The following AADAT variants were observed in gnomAD, a reference collection of about 807,000 sequenced individuals.
AADAT encodes the protein aminoadipate aminotransferase.
Under a neutral mutation model 56.2 loss-of-function variants are expected in AADAT, and 25 were observed. The observed-to-expected ratio is 0.44, with a 90% CI of 0.32 to 0.62. The LOEUF (loss-of-function observed/expected upper bound fraction) is 0.62, where lower values mean the gene tolerates loss of function less well. Among genes scored for constraint, AADAT ranks in the 20% least tolerant of loss-of-function variants. The pLI, the probability that AADAT is intolerant of heterozygous loss-of-function variation, is 0.04. For missense variants in AADAT, 387 were observed against 510.5 expected (o/e 0.76, Z 2.33); for synonymous variants, 173 against 164.7 (o/e 1.05, Z -0.39).
intron 10 of AADAT, among the ~76,000 whole-genome samples, chr4:170,065,286 T>C (rs1386359207): frequency 6.6e-6 from 1 of 152,216 alleles, no homozygotes; most frequent in Non-Finnish European, 1.5e-5. Context: ...CAGAATGTAA[T>C]TAATTATGAA....
At chr4:170,091,521 C>G (rs564051163), upstream of AADAT, 1 of 154,136 alleles carries the variant, frequency 6.5e-6, no homozygotes, top group Admixed American at 6.5e-5. Flanking sequence ...ACCACCCACC[C>G]GTGGGCTCCT....
chr4:170,070,685 A>C lies in AADAT; in HGVS notation c.655-33T>G, dbSNP rs756222947. On this transcript the variant is annotated intron_variant, in intron 5 of 12. Transcript: ENST00000337664. Reference sequence around the variant, plus strand: ...AGGTTGAAGTAATTGTTTATTTCTTAATCTATTTATTTCTTAAAAGTTATC... The same window carrying C: ...AGGTTGAAGTAATTGTTTATTTCTTCATCTATTTATTTCTTAAAAGTTATC... 3.6e-6 allele frequency: 5 copies of C among 1,389,928 alleles called. No homozygotes were observed. In the African/African-American group the frequency reaches 4.3e-5, roughly 12 times the overall value. The allele number at this position is 1,389,928 out of a possible 1,614,324, so 86.1% of individuals were successfully genotyped here. A position where few individuals can be genotyped will look rare whatever the true frequency, so the allele number is the denominator to read the frequency against.
rs1172823661 is a variant in AADAT, at chr4:170,069,206, T to C, written c.745A>G (p.Met249Val). 2 of 1,613,802 alleles carry C rather than the reference T, an allele frequency of 1.2e-6. No individual in the cohort carries two copies. Among genetic ancestry groups the C allele is most frequent in the Non-Finnish European group, 1.7e-6 (2 of 1,179,904 alleles). ...NKFRVPTFLS[M>V]DVDGRVIRAD... ...CTGATGACACGTCCATCAACATCCA[T>C]GGAAAGAAATGTTGGTACCCTGAAC... The change falls in exon 7 of 13, where the codon ATG becomes GTG. Residue 249 changes from methionine to valine, a missense_variant. Transcript: ENST00000337664.
Position 170,068,680 on chromosome 4 carries a change from T to C in AADAT, c.811A>G (p.Ile271Val). The change falls in exon 8 of 13, where the codon ATA (isoleucine) becomes GTA (valine). Residue 271 changes from isoleucine (I) to valine (V), a missense_variant. Transcript: ENST00000337664. ...FSKIISSGLRIGFLTGPKPLI... is the reference protein window; with the variant it reads ...FSKIISSGLRVGFLTGPKPLI... ...GGTTTTGGACCAGTTAAAAATCCTA[T>C]TCTCAACCTACGTGGAAAGAGAAAA... is the stretch of plus-strand genomic sequence containing the variant. The C allele has an allele frequency of 6.3e-7, 1 of 1,591,342 alleles. No homozygotes were observed. Among genetic ancestry groups the C allele is most frequent in the Non-Finnish European group, 8.5e-7 (1 of 1,173,412 alleles).
intron 4 of AADAT, among the ~76,000 whole-genome samples, chr4:170,073,712 G>T (rs1282559830): frequency 6.6e-6 from 1 of 152,060 alleles, no homozygotes; most frequent in Admixed American, 6.5e-5. Flanking sequence ...TGTTAGCCAG[G>T]ATGGTCTGGA....
At chr4:170,073,424 C>G (rs1731871130) in intron 4 of AADAT, 79 bp from the exon 5 acceptor site, 2 of 1,282,340 alleles carry the variant, frequency 1.6e-6, no homozygotes, top group Admixed American at 5.3e-5. Context: ...TTCTTTCTAA[C>G]TAAGAACTTG....
chr4:170,068,442 C>A, intron 8 of AADAT, 149 bp downstream of exon 8: 1 of 536,976 alleles, frequency 1.9e-6, no homozygotes. Flanking sequence ...CATTCCAACC[C>A]ATTTCTTTAG....
intron 8 of AADAT, 130 bp downstream of exon 8, chr4:170,068,461 G>A: frequency 1.7e-6 from 1 of 591,076 alleles, no homozygotes; most frequent in Non-Finnish European, 2.9e-6. Flanking sequence ...AGAAAGATTA[G>A]CATGTCTGCA....
At chr4:170,065,345 G>A (rs928822311) in intron 10 of AADAT, among the ~76,000 whole-genome samples, 4 of 152,050 alleles carry the variant, frequency 2.6e-5, no homozygotes, top group African/African-American at 4.8e-5. Flanking sequence ...TGGGCTTTAC[G>A]TTTCATTGAG....
At position 170,066,427 on chromosome 4, in the gene AADAT, G is replaced by C. The variant is rs1366770056; in HGVS notation, c.1014C>G (p.Asp338Glu). The C allele has an allele frequency of 1.2e-6, 2 of 1,613,546 alleles. No homozygotes were observed. Among genetic ancestry groups the C allele is most frequent in the East Asian group, 4.5e-5 (2 of 44,860 alleles). Residue 338 changes from aspartate (D) to glutamate (E), a missense_variant, in exon 10 of 13, where the codon GAC (aspartate) becomes GAG (glutamate). Coordinates refer to ENST00000337664, the MANE Select transcript of AADAT (RefSeq NM_016228.4). ...NQKDAILAAA[D>E]KWLTGLAEWH... is the part of the protein sequence containing the mutation. ...CGTTCCACTCACCAGTTAACCACTT[G>C]TCTGCAGCTGCCAGTATTGCATCCT...
intron 3 of AADAT, among the ~76,000 whole-genome samples, chr4:170,085,014 GAT>G (rs1732485515): frequency 6.6e-6 from 1 of 152,180 alleles, no homozygotes; most frequent in Non-Finnish European, 1.5e-5. Context: ...GCAACATGAA[GAT>G]GAGGATGAAG....
chr4:170,067,458 C>G, intron 8 of AADAT, 70 bp from the exon 9 acceptor site: 1 of 1,262,464 alleles, frequency 7.9e-7, no homozygotes, highest in East Asian at 2.3e-5. Flanking sequence ...TATATAAAAG[C>G]AACTCACTTT....
chr4:170,090,827 T>TTGA (rs1401583526), upstream of AADAT, among the ~76,000 whole-genome samples: 1 of 152,198 alleles, frequency 6.6e-6, no homozygotes, highest in East Asian at 1.9e-4. Context: ...TTTAAAAAAT[T>TTGA]CTTTAATGGT....
In AADAT at chr4:170,083,889, T is replaced by C. The variant is rs534863042; in HGVS notation, c.369+3227A>G. On this transcript the variant is annotated intron_variant, in intron 3 of 12. Coordinates refer to ENST00000337664, the MANE Select transcript of AADAT (RefSeq NM_016228.4). ...TCCTGCAATTCCACTGCTGAGTATATATCCAAAACAAAAACATCAATATAT... is the reference window on the plus strand; with the variant it reads ...TCCTGCAATTCCACTGCTGAGTATACATCCAAAACAAAAACATCAATATAT... 5.3e-5 allele frequency among the ~76,000 whole-genome samples: 8 copies of C among 152,256 alleles called. No homozygotes were observed. The South Asian group carries it at 1.7e-3, about 32-fold the overall frequency.
rs1015143183 is a variant in AADAT at position 170,089,733 on chromosome 4, A to G, written c.-43T>C. ...CATCAAGCTTCTTCTTCAGTGGTTGAGGACTAGAAAAACCAAAGAGCCTCG... is the reference window on the plus strand; with the variant it reads ...CATCAAGCTTCTTCTTCAGTGGTTGGGGACTAGAAAAACCAAAGAGCCTCG... On this transcript the variant is annotated 5_prime_UTR_variant, in exon 1 of 13. Transcript: ENST00000337664. 4.4e-6 allele frequency: 7 copies of G among 1,606,954 alleles called. No individual in the cohort carries two copies. In the East Asian group the frequency reaches 1.6e-4, roughly 36 times the overall value.
At position 170,089,905 on chromosome 4, in the gene AADAT, G is replaced by A; in HGVS notation, c.-215C>T. 1 of 576,566 alleles carries A rather than the reference G, an allele frequency of 1.7e-6. No homozygotes were observed. Among genetic ancestry groups the A allele is most frequent in the South Asian group, 2.0e-5 (1 of 50,674 alleles). The allele number at this position is 576,566 out of a possible 1,614,324, so 35.7% of individuals were successfully genotyped here. ...TGCGTTCGGTCTCCCGGTCCTAAACGGGTCTGGGGCTGTGTGGCGAGCCCG... is the reference window on the plus strand; with the variant it reads ...TGCGTTCGGTCTCCCGGTCCTAAACAGGTCTGGGGCTGTGTGGCGAGCCCG... On this transcript the variant is annotated 5_prime_UTR_variant, in exon 1 of 13. Transcript: ENST00000337664.
intron 3 of AADAT, among the ~76,000 whole-genome samples, chr4:170,080,025 G>A (rs956189278): frequency 3.3e-5 from 5 of 152,158 alleles, no homozygotes; most frequent in African/African-American, 1.2e-4. Context: ...AAAGTGGGCT[G>A]GAGGAGAACC....
At chr4:170,093,683 C>G (rs146682088), upstream of AADAT, among the ~76,000 whole-genome samples, 1 of 152,302 alleles carries the variant, frequency 6.6e-6, no homozygotes, top group African/African-American at 2.4e-5. Flanking sequence ...GCAGCCTCGT[C>G]TTCCCGGGCT....
At position 170,073,180 on chromosome 4, in the gene AADAT, T is replaced by C. The variant is rs1731857158; in HGVS notation, c.610A>G (p.Thr204Ala). The C allele has an allele frequency of 3.1e-6, 5 of 1,614,172 alleles. No homozygotes were observed. The East Asian group carries it at 1.1e-4, about 36-fold the overall frequency. The change falls in exon 5 of 13, where the codon ACT becomes GCT. Residue 204 changes from threonine (T) to alanine (A), a missense_variant. Coordinates refer to ENST00000337664, the MANE Select transcript of AADAT (RefSeq NM_016228.4). ...LYTVPNGNNPTGNSLTSERKK... is the reference protein window; with the variant it reads ...LYTVPNGNNPAGNSLTSERKK... ...CGTTCACTGGTTAATGAGTTTCCAGTAGGGTTGTTGCCATTTGGAACAGTA... is the reference window on the plus strand; with the variant it reads ...CGTTCACTGGTTAATGAGTTTCCAGCAGGGTTGTTGCCATTTGGAACAGTA...
Sources: allele counts gnomAD v4.1 joint callset (sites outside exome capture counted in the v4.1 genomes callset), GRCh38; gene constraint gnomAD v4.1.1; transcripts MANE v1.5; gene names NCBI Gene and HGNC (gene_info 2026-07-23, HGNC 2026-07-21).